Variants in ABI2 observed in about 807,000 individuals in gnomAD.
ABI2 encodes abelson interactor 2.
ABI2 carries 25 observed loss-of-function variants against 59.2 expected under a neutral mutation model. The observed-to-expected ratio is 0.42, with a 90% CI of 0.31 to 0.59. ABI2 has a LOEUF of 0.59. Among genes scored for constraint, ABI2 ranks in the 20% least tolerant of loss-of-function variants. The pLI is 0.14. For missense variants in ABI2, 545 were observed against 681.8 expected, an observed-to-expected ratio of 0.80 and a Z score of 2.23; for synonymous variants, 213 against 235.5, an observed-to-expected ratio of 0.90 and a Z score of 0.87.
intron 1 of ABI2, among the ~76,000 whole-genome samples, chr2:203,364,035 A>ATT (rs1227041242): frequency 6.6e-6 from 1 of 151,264 alleles, no homozygotes; most frequent in Non-Finnish European, 1.5e-5. Context: ...AAGTGCTGGA[A>ATT]TTATAGGCGT....
At chr2:203,372,638 A>G (rs1481817298) in intron 2 of ABI2, among the ~76,000 whole-genome samples, 4 of 141,238 alleles carry the variant, frequency 2.8e-5, no homozygotes, top group African/African-American at 5.4e-5. Flanking sequence ...CAGACGGGGC[A>G]GCTGGCCGGG....
At chr2:203,382,079 G>T in intron 3 of ABI2, 110 bp from the exon 4 acceptor site, 1 of 879,462 alleles carries the variant, frequency 1.1e-6, no homozygotes. Flanking sequence ...AATGCTGAAT[G>T]CTTAACTTGT....
intron 7 of ABI2, 151 bp downstream of exon 7, chr2:203,395,931 C>A: frequency 1.0e-6 from 1 of 982,304 alleles, no homozygotes; most frequent in Non-Finnish European, 1.4e-6. Flanking sequence ...TATTTGTAAG[C>A]AAGTGATTTG....
intron 1 of ABI2, among the ~76,000 whole-genome samples, chr2:203,351,904 A>G (rs1293554656): frequency 2.0e-5 from 3 of 152,204 alleles, no homozygotes; most frequent in African/African-American, 7.2e-5. Flanking sequence ...GATGGACAGC[A>G]TATATGATGG....
At chr2:203,377,130 C>T (rs2095757364) in intron 2 of ABI2, among the ~76,000 whole-genome samples, 1 of 152,074 alleles carries the variant, frequency 6.6e-6, no homozygotes, top group African/African-American at 2.4e-5. Flanking sequence ...CCATCCTGGG[C>T]AACACAGTGA....
chr2:203,366,960 C>T lies in ABI2; in HGVS notation c.201C>T (p.Thr67=), dbSNP rs766875319. 1.2e-6 allele frequency: 2 copies of T among 1,613,840 alleles called. No individual in the cohort carries two copies. The highest frequency in any genetic ancestry group is 1.7e-6 in the Non-Finnish European group (2 of 1,179,878). ...SLASVAYLIN[T]LANNVLQMLD... is the part of the protein sequence containing the mutation. Reference sequence around the variant, plus strand: ...CAAGTGTTGCCTATCTGATAAACACCTTGGCCAACAATGTCCTGCAGATGC... The same window carrying T: ...CAAGTGTTGCCTATCTGATAAACACTTTGGCCAACAATGTCCTGCAGATGC... The change falls in exon 2 of 12, where the codon ACC becomes ACT. Residue 67 remains threonine (T), a synonymous_variant. Coordinates refer to ENST00000261018, the MANE Select transcript of ABI2 (RefSeq NM_001375670.1).
At chr2:203,397,137 A>G (rs932062955) in intron 8 of ABI2, among the ~76,000 whole-genome samples, 170 bp downstream of exon 8, 1 of 152,204 alleles carries the variant, frequency 6.6e-6, no homozygotes. Flanking sequence ...TTCCTGAGAA[A>G]ATTGAGGTAA....
intron 11 of ABI2, among the ~76,000 whole-genome samples, chr2:203,420,808 C>T (rs2098166358): frequency 6.6e-6 from 1 of 152,076 alleles, no homozygotes; most frequent in Non-Finnish European, 1.5e-5. Context: ...TCCTAGAAAG[C>T]TTCTCAGAGA....
intron 10 of ABI2, among the ~76,000 whole-genome samples, chr2:203,416,496 A>G (rs1012595922): frequency 6.6e-6 from 1 of 152,032 alleles, no homozygotes; most frequent in African/African-American, 2.4e-5. Flanking sequence ...GGGTTTCACC[A>G]TGTTGCCCAG....
intron 6 of ABI2, among the ~76,000 whole-genome samples, chr2:203,395,448 T>TATACACACAC (rs750379504): frequency 0.011 from 1,297 of 115,304 alleles, 12 homozygotes; most frequent in Non-Finnish European, 0.016. Flanking sequence ...TATATATATA[T>TATACACACAC]ACACACACAC....
chr2:203,374,833 C>G (rs1559261884), intron 2 of ABI2: 1 of 456,322 alleles, frequency 2.2e-6, no homozygotes, highest in Non-Finnish European at 4.4e-6. Context: ...TTTTCCCACA[C>G]TGATGGGCAG....
At chr2:203,343,168 A>G (rs758995517) in intron 1 of ABI2, among the ~76,000 whole-genome samples, 50 of 152,296 alleles carry the variant, frequency 3.3e-4, no homozygotes, top group African/African-American at 1.0e-3. Flanking sequence ...GTTTGAGACC[A>G]GCCTGGCCAA....
chr2:203,360,334 A>G (rs558033256), intron 1 of ABI2, among the ~76,000 whole-genome samples: 3 of 152,316 alleles, frequency 2.0e-5, no homozygotes, highest in Non-Finnish European at 4.4e-5. Context: ...GTTATCAATG[A>G]TAAAGGTTCT....
intron 1 of ABI2, among the ~76,000 whole-genome samples, chr2:203,351,364 CTG>C (rs1478192740): frequency 6.6e-6 from 1 of 152,084 alleles, no homozygotes; most frequent in African/African-American, 2.4e-5. Flanking sequence ...TTGTTAATTT[CTG>C]CCACAAAGGC....
chr2:203,397,594 A>G (rs1224550809), intron 8 of ABI2, among the ~76,000 whole-genome samples: 1 of 152,212 alleles, frequency 6.6e-6, no homozygotes, highest in African/African-American at 2.4e-5. Context: ...CTTGTCTGCT[A>G]TAAAATGTAT....
At chr2:203,371,794 G>C (rs1158859593) in intron 2 of ABI2, among the ~76,000 whole-genome samples, 1 of 151,860 alleles carries the variant, frequency 6.6e-6, no homozygotes, top group Non-Finnish European at 1.5e-5. Flanking sequence ...GATGAATGTT[G>C]CTTACTGTGC....
In ABI2 at chr2:203,391,109, C is replaced by T; in HGVS notation, c.544C>T (p.Pro182Ser). Reference sequence around the variant, plus strand: ...TACAACACCTCCAACTCAGAAGCCCCCTAGTCCCCCTATGTCAGGGAAAGG... The same window carrying T: ...TACAACACCTCCAACTCAGAAGCCCTCTAGTCCCCCTATGTCAGGGAAAGG... ...PRTTPPTQKP[P>S]SPPMSGKGTL... Residue 182 changes from proline to serine, a missense_variant, in exon 5 of 12, where the codon CCT (proline) becomes TCT (serine). Physicochemically the swap from Pro to Ser is moderately conservative, Grantham distance 74. Around this residue, in one of 4 missense-constraint regions of ABI2, gnomAD observed 410 missense variants for 435.6 expected, o/e 0.94. Transcript: ENST00000261018. The T allele has an allele frequency of 6.2e-7, 1 of 1,613,716 alleles. No individual in the cohort carries two copies. The highest frequency in any genetic ancestry group is 1.1e-5 in the South Asian group (1 of 90,990).
chr2:203,422,633 A>C (rs1291063549), intron 11 of ABI2, among the ~76,000 whole-genome samples: 1 of 152,204 alleles, frequency 6.6e-6, no homozygotes, highest in Non-Finnish European at 1.5e-5. Flanking sequence ...GGTAATCATC[A>C]TTGCCAAACA....
At chr2:203,363,240 A>G (rs1315760371) in intron 1 of ABI2, among the ~76,000 whole-genome samples, 1 of 152,200 alleles carries the variant, frequency 6.6e-6, no homozygotes, top group Non-Finnish European at 1.5e-5. Context: ...ACAATGTGTA[A>G]TAATCACATT....
Sources: gnomAD v4.1 joint callset for allele counts (sites outside exome capture counted in the v4.1 genomes callset) on GRCh38, gnomAD v4.1.1 for gene constraint, gnomAD v4.1.1 regional missense constraint, MANE v1.5 for transcripts, NCBI Gene and HGNC (gene_info 2026-07-23, HGNC 2026-07-21) for gene names.